Variants in PKHD1L1 observed in about 807,000 individuals in gnomAD.
PKHD1L1 encodes fibrocystin-L.
A neutral mutation model predicts 462.9 loss-of-function variants in PKHD1L1; 434 were observed. That is an observed-to-expected ratio of 0.94 (90% CI 0.87 to 1.02). PKHD1L1 has a LOEUF of 1.02. Ranked by LOEUF, PKHD1L1 falls within the 50% of genes least tolerant of loss-of-function variation. PKHD1L1 has a pLI of 0.00. For synonymous variants in PKHD1L1, 1,781 were observed against 1,750.0 expected, an observed-to-expected ratio of 1.02 and a Z score of -0.44; for missense variants, 5,202 against 5,096.1, an observed-to-expected ratio of 1.02 and a Z score of -0.63.
chr8:109,492,086 G>T, intron 62 of PKHD1L1, 92 bp downstream of exon 62: 4 of 1,034,796 alleles, frequency 3.9e-6, no homozygotes, highest in South Asian at 3.1e-5. Flanking sequence ...AGGAGTGAAT[G>T]CACTTTTAAA....
At chr8:109,433,682 A>G (rs182288693) in intron 28 of PKHD1L1, among the ~76,000 whole-genome samples, 2 of 152,336 alleles carry the variant, frequency 1.3e-5, no homozygotes, top group East Asian at 3.9e-4. Flanking sequence ...TTTTTTTAAC[A>G]TCTTGAAATA....
At chr8:109,512,514 G>A (rs1199970614) in intron 71 of PKHD1L1, among the ~76,000 whole-genome samples, 17 of 151,850 alleles carry the variant, frequency 1.1e-4, no homozygotes, top group African/African-American at 3.1e-4. Flanking sequence ...GTAGATATGC[G>A]GCATTATTTC....
At chr8:109,470,779 A>T (rs563549057) in intron 50 of PKHD1L1, 72 of 1,527,468 alleles carry the variant, frequency 4.7e-5, no homozygotes, top group Non-Finnish European at 8.9e-6. Flanking sequence ...TTTTTTCATA[A>T]ATCAGTTTTG....
At chr8:109,456,522 G>T (rs768236886) in intron 46 of PKHD1L1, 131 bp downstream of exon 46, 6 of 852,382 alleles carry the variant, frequency 7.0e-6, no homozygotes, top group African/African-American at 3.4e-5. Flanking sequence ...AATATGAACA[G>T]CCAAATACAG....
Position 109,476,683 on chromosome 8 carries a change from C to T in PKHD1L1, c.8917+16C>T, listed in dbSNP as rs1437469088. On this transcript the variant is annotated intron_variant, in intron 52 of 77. Coordinates refer to ENST00000378402, the MANE Select transcript of PKHD1L1 (RefSeq NM_177531.6). ...TATTACTTGGGTATGTGTCATTAGG[C>T]AGAAATGATAGTTTATCTAATGCTT... The T allele has an allele frequency of 1.9e-6, 3 of 1,570,570 alleles. No homozygotes were observed. The highest frequency in any genetic ancestry group is 1.7e-6 in the Non-Finnish European group (2 of 1,160,366).
chr8:109,414,968 AT>A, intron 21 of PKHD1L1, among the ~76,000 whole-genome samples: 2 of 21,072 alleles, frequency 9.5e-5, no homozygotes, highest in Non-Finnish European at 2.1e-4. Context: ...CAACATTATT[AT>A]TATTATTATT....
At chr8:109,462,526 C>T (rs541176174) in intron 48 of PKHD1L1, among the ~76,000 whole-genome samples, 1 of 151,932 alleles carries the variant, frequency 6.6e-6, no homozygotes, top group Non-Finnish European at 1.5e-5. Context: ...GTCCTTTGTA[C>T]TTGCTTTTCA....
chr8:109,456,186 A>G, intron 45 of PKHD1L1, 76 bp from the exon 46 acceptor site: 1 of 1,441,092 alleles, frequency 6.9e-7, no homozygotes, highest in Non-Finnish European at 9.2e-7. Flanking sequence ...ATTTAGGAAA[A>G]GATTAAAATG....
intron 59 of PKHD1L1, among the ~76,000 whole-genome samples, chr8:109,488,608 T>A (rs1450865786): frequency 2.0e-5 from 3 of 152,042 alleles, no homozygotes; most frequent in African/African-American, 7.2e-5. Flanking sequence ...CTGCAGGTAC[T>A]CATTTGTTCA....
intron 10 of PKHD1L1, among the ~76,000 whole-genome samples, chr8:109,395,324 C>T (rs1469512197): frequency 6.6e-6 from 1 of 152,070 alleles, no homozygotes; most frequent in East Asian, 1.9e-4. Context: ...AAACACAAAT[C>T]ATCCTGAGAA....
intron 11 of PKHD1L1, among the ~76,000 whole-genome samples, chr8:109,396,614 G>A (rs1161905093): frequency 6.6e-6 from 1 of 152,200 alleles, no homozygotes; most frequent in Non-Finnish European, 1.5e-5. Context: ...CTTGGAAAGA[G>A]CAGTAATTTC....
At position 109,429,810 on chromosome 8, in the gene PKHD1L1, T is replaced by A. The variant is rs565511256; in HGVS notation, c.3124-122T>A. 62 of 726,938 alleles carry A rather than the reference T, an allele frequency of 8.5e-5. No individual in the cohort carries two copies. In the African/African-American group the frequency reaches 9.9e-4, roughly 12 times the overall value. 45.0% of individuals were successfully genotyped at this position (726,938 alleles called of 1,614,324 possible). A position where few individuals can be genotyped will look rare whatever the true frequency, so the allele number is the denominator to read the frequency against. ...GAATGAAATATCAAAGTACAAAAAA[T>A]ATAGACTAATTTCAGTAAATTAGCA... On this transcript the variant is annotated intron_variant, in intron 26 of 77. Transcript: ENST00000378402.
intron 25 of PKHD1L1, among the ~76,000 whole-genome samples, chr8:109,429,079 A>G: frequency 6.6e-6 from 1 of 152,172 alleles, no homozygotes; most frequent in Admixed American, 6.6e-5. Flanking sequence ...ATAAAAATTC[A>G]AGTTAATTTT....
rs1333380413 is a variant in PKHD1L1 at position 109,504,417 on chromosome 8, C to A, written c.10919C>A (p.Pro3640Gln). 6.4e-7 allele frequency: 1 copy of A among 1,563,300 alleles called. No homozygotes were observed. The highest frequency in any genetic ancestry group is 8.7e-7 in the Non-Finnish European group (1 of 1,145,118). The part of the protein sequence containing the change: ...TNPLNEDLQH[P>Q]IHVKNIKLVD... ...CCTTTAAATGAGGATTTACAGCATC[C>A]AATCCATGTGAAGAATATAAAACTG... Residue 3640 changes from proline to glutamine, a missense_variant, in exon 68 of 78, where the codon CCA (proline) becomes CAA (glutamine). By Grantham distance (76) the Pro-to-Gln change is moderately conservative (BLOSUM62 -1). Around this residue, in one of 3 missense-constraint regions of PKHD1L1, gnomAD observed 698 missense variants for 736.3 expected, o/e 0.95. Coordinates refer to ENST00000378402, the MANE Select transcript of PKHD1L1 (RefSeq NM_177531.6).
At chr8:109,383,204 A>G (rs1457363086) in intron 4 of PKHD1L1, among the ~76,000 whole-genome samples, 12 of 87,586 alleles carry the variant, frequency 1.4e-4, no homozygotes, top group African/African-American at 4.9e-4. Context: ...ATAATTATAT[A>G]TTATATAATA....
At chr8:109,413,333 T>C (rs1290937576) in intron 20 of PKHD1L1, 88 bp from the exon 21 acceptor site, 1 of 945,690 alleles carries the variant, frequency 1.1e-6, no homozygotes, top group Non-Finnish European at 1.4e-6. Context: ...GCTCAATAAA[T>C]ATTTATTGAC....
intron 7 of PKHD1L1, 145 bp from the exon 8 acceptor site, chr8:109,388,934 G>A: frequency 1.9e-6 from 1 of 513,112 alleles, no homozygotes; most frequent in Non-Finnish European, 3.4e-6. Context: ...CTGGGAAATA[G>A]TTTTATTTTA....
chr8:109,429,677 C>T (rs1452722067), intron 26 of PKHD1L1, among the ~76,000 whole-genome samples: 2 of 151,876 alleles, frequency 1.3e-5, no homozygotes, highest in Non-Finnish European at 2.9e-5. Flanking sequence ...CTCTACTATG[C>T]CAGAATTTGA....
chr8:109,429,050 T>C (rs1399746210), intron 25 of PKHD1L1, among the ~76,000 whole-genome samples: 1 of 152,160 alleles, frequency 6.6e-6, no homozygotes, highest in Non-Finnish European at 1.5e-5. Context: ...AGATTCATTT[T>C]TAGATTTATT....
Sources: gnomAD v4.1 joint callset for allele counts (sites outside exome capture counted in the v4.1 genomes callset) on GRCh38, gnomAD v4.1.1 for gene constraint, gnomAD v4.1.1 regional missense constraint, MANE v1.5 for transcripts, NCBI Gene and HGNC (gene_info 2026-07-23, HGNC 2026-07-21) for gene names.